Variants in PTPRT observed in about 807,000 individuals in gnomAD.
The protein encoded by PTPRT is protein tyrosine phosphatase receptor type T, also known as receptor-type tyrosine-protein phosphatase T.
In PTPRT, 56 loss-of-function variants were observed where a neutral mutation model predicts 176.8. The observed-to-expected ratio is 0.32, with a 90% confidence interval of 0.26 to 0.40. The LOEUF (loss-of-function observed/expected upper bound fraction) is 0.40, where lower values mean the gene tolerates loss of function less well. PTPRT is among the 10% of genes least tolerant of loss of function. PTPRT has a pLI of 1.00. For synonymous variants in PTPRT, 783 were observed against 739.0 expected (o/e 1.06, Z -0.96); for missense variants, 1,540 against 1,908.2 (o/e 0.81, Z 3.60).
intron 7 of PTPRT, among the ~76,000 whole-genome samples, chr20:42,578,848 A>C (rs886780455): frequency 2.0e-5 from 3 of 147,522 alleles, no homozygotes. Context: ...TTTCATGCAG[A>C]GCCAAAGCCT....
chr20:42,491,860 C>T (rs1568926024), intron 7 of PTPRT, among the ~76,000 whole-genome samples: 1 of 152,100 alleles, frequency 6.6e-6, no homozygotes, highest in Non-Finnish European at 1.5e-5. Flanking sequence ...CATCTAAAAC[C>T]CCAGGCAGCC....
chr20:42,383,094 T>C (rs2058712064), intron 9 of PTPRT, among the ~76,000 whole-genome samples: 1 of 152,228 alleles, frequency 6.6e-6, no homozygotes, highest in Non-Finnish European at 1.5e-5. Context: ...GAAGACTTCC[T>C]GGTATCTAAA....
intron 7 of PTPRT, among the ~76,000 whole-genome samples, chr20:42,552,237 T>C (rs780717603): frequency 1.3e-5 from 2 of 152,160 alleles, no homozygotes; most frequent in Non-Finnish European, 1.5e-5. Context: ...GGGAATCAGA[T>C]ATAGGCAAAC....
intron 13 of PTPRT, chr20:42,270,268 A>ATGGGTGGGGGGGTGGG (rs1048470897): frequency 1.8e-5 from 11 of 626,682 alleles, no homozygotes; most frequent in South Asian, 1.3e-4. Flanking sequence ...TGATGGGTGA[A>ATGGGTGGGGGGGTGGG]TGGGTGGGGG....
intron 13 of PTPRT, among the ~76,000 whole-genome samples, chr20:42,258,876 A>G (rs1255415028): frequency 6.6e-6 from 1 of 152,220 alleles, no homozygotes; most frequent in Non-Finnish European, 1.5e-5. Context: ...CTTGCTGTGG[A>G]AAACCACTTA....
chr20:42,353,720 T>C (rs2058319788), intron 9 of PTPRT, among the ~76,000 whole-genome samples: 2 of 152,282 alleles, frequency 1.3e-5, no homozygotes, highest in South Asian at 4.1e-4. Context: ...AAACACAAGA[T>C]TTTTTGTTTG....
At chr20:42,551,056 T>C (rs1462220927) in intron 7 of PTPRT, among the ~76,000 whole-genome samples, 3 of 152,176 alleles carry the variant, frequency 2.0e-5, no homozygotes, top group Admixed American at 6.6e-5. Context: ...GGGGTAATGA[T>C]AGCTTCTTCA....
At chr20:42,644,806 A>G (rs546866358) in intron 7 of PTPRT, among the ~76,000 whole-genome samples, 1 of 152,284 alleles carries the variant, frequency 6.6e-6, no homozygotes, top group African/African-American at 2.4e-5. Context: ...ACATTGCCTT[A>G]ATCACAACAC....
chr20:42,709,024 T>C (rs1264785103), intron 6 of PTPRT, among the ~76,000 whole-genome samples: 1 of 152,208 alleles, frequency 6.6e-6, no homozygotes, highest in East Asian at 1.9e-4. Context: ...GGTTTCTGCC[T>C]CAGAGAACTG....
intron 16 of PTPRT, among the ~76,000 whole-genome samples, chr20:42,163,062 T>C (rs568189203): frequency 2.7e-4 from 41 of 152,348 alleles, no homozygotes; most frequent in Non-Finnish European, 4.6e-4. Flanking sequence ...CCTAATGCTT[T>C]CACTTATATC....
intron 6 of PTPRT, 59 bp from the exon 7 acceptor site, chr20:42,678,218 C>T (rs2075542121): frequency 1.3e-6 from 2 of 1,506,078 alleles, no homozygotes; most frequent in African/African-American, 2.7e-5. Flanking sequence ...GAGCAGACTA[C>T]AAGCACATGA....
At position 43,167,435 on chromosome 20, in the gene PTPRT, A is replaced by C. The variant is rs755663227; in HGVS notation, c.88+22211T>G. ...GTAACAAGGCTCTGAATAATGCAAA[A>C]AAAAAGAGGTGGGGTGGGAGTTAAG... On this transcript the variant is annotated intron_variant, in intron 1 of 30. Coordinates refer to ENST00000373187, the MANE Select transcript of PTPRT (RefSeq NM_007050.6). Among the ~76,000 whole-genome samples, 96 of 152,192 alleles carry C rather than the reference A, an allele frequency of 6.3e-4. 1 individual carries two copies. The highest frequency in any genetic ancestry group is 1.2e-3 in the Non-Finnish European group (81 of 68,026).
chr20:42,204,486 A>G (rs1176958328), intron 15 of PTPRT, among the ~76,000 whole-genome samples: 1 of 152,228 alleles, frequency 6.6e-6, no homozygotes, highest in Non-Finnish European at 1.5e-5. Flanking sequence ...AAAAGCTGAT[A>G]AAAAGAGAGT....
chr20:42,192,164 C>T (rs537463796), intron 16 of PTPRT, among the ~76,000 whole-genome samples: 1 of 152,114 alleles, frequency 6.6e-6, no homozygotes, highest in Admixed American at 6.5e-5. Flanking sequence ...ATGTAGCAAT[C>T]CTTGACATCA....
At chr20:42,592,089 C>T (rs961572886) in intron 7 of PTPRT, among the ~76,000 whole-genome samples, 6 of 150,448 alleles carry the variant, frequency 4.0e-5, no homozygotes, top group African/African-American at 1.5e-4. Flanking sequence ...ACGCCATTCT[C>T]CTGCCTCAGC....
intron 11 of PTPRT, among the ~76,000 whole-genome samples, chr20:42,347,547 G>T (rs2058212973): frequency 6.6e-6 from 1 of 152,170 alleles, no homozygotes; most frequent in Non-Finnish European, 1.5e-5. Context: ...GATGCACCAG[G>T]CATGACACCA....
At chr20:42,821,121 C>A (rs1431793421) in intron 2 of PTPRT, among the ~76,000 whole-genome samples, 2 of 152,166 alleles carry the variant, frequency 1.3e-5, no homozygotes, top group East Asian at 3.9e-4. Context: ...AGGAAAACTT[C>A]AGGCCAATAT....
intron 1 of PTPRT, among the ~76,000 whole-genome samples, chr20:43,097,677 C>G (rs534456061): frequency 6.6e-6 from 1 of 152,124 alleles, no homozygotes; most frequent in African/African-American, 2.4e-5. Flanking sequence ...ACTGCACTCT[C>G]CTGACTCTCA....
intron 13 of PTPRT, among the ~76,000 whole-genome samples, chr20:42,265,790 G>A (rs1360818017): frequency 6.6e-6 from 1 of 152,174 alleles, no homozygotes; most frequent in African/African-American, 2.4e-5. Flanking sequence ...GGAGACTGCT[G>A]CCTTGCTTCA....
Sources: allele counts gnomAD v4.1 joint callset (sites outside exome capture counted in the v4.1 genomes callset), GRCh38; gene constraint gnomAD v4.1.1; transcripts MANE v1.5; gene names NCBI Gene and HGNC (gene_info 2026-07-23, HGNC 2026-07-21).